CXXC1: variants seen among roughly 807,000 people sequenced by gnomAD.
CXXC1 encodes CXXC finger protein 1, also known as CXXC-type zinc finger protein 1.
Under a neutral mutation model 83.6 loss-of-function variants are expected in CXXC1, and 21 were observed. The ratio of observed to expected loss-of-function variants is 0.25; its 90% CI spans 0.18 to 0.36. The LOEUF (loss-of-function observed/expected upper bound fraction) is 0.36. Ranked by LOEUF, CXXC1 falls within the 10% of genes least tolerant of loss-of-function variation. The pLI, the probability that CXXC1 is intolerant of heterozygous loss-of-function variation, is 1.00. For synonymous variants in CXXC1, 371 were observed against 337.5 expected (o/e 1.10, Z -1.09); for missense variants, 688 against 919.5 (o/e 0.75, Z 3.26).
chr18:50,286,591 G>T lies in CXXC1; in HGVS notation c.171C>A (p.Ile57=). 6.2e-7 allele frequency: 1 copy of T among 1,614,136 alleles called. No homozygotes were observed. The highest frequency in any genetic ancestry group is 8.5e-7 in the Non-Finnish European group (1 of 1,180,022). The stretch of plus-strand genomic sequence containing the variant: ...GGATGGCCTTGGCCATCTTCTCAGT[G>T]ATCCGGATGCAGTCCCCATGGAACC... ...NEWFHGDCIR[I]TEKMAKAIRE... is the part of the protein sequence containing the mutation. Residue 57 remains isoleucine, a synonymous_variant, in exon 3 of 15, where the codon ATC becomes ATA. Transcript: ENST00000285106.
Position 50,285,464 on chromosome 18 carries a change from C to T in CXXC1, c.640-113G>A. 7.7e-7 allele frequency: 1 copy of T among 1,295,898 alleles called. No homozygotes were observed. Among genetic ancestry groups the T allele is most frequent in the Non-Finnish European group, 1.1e-6 (1 of 950,310 alleles). 80.3% of individuals were successfully genotyped at this position (1,295,898 alleles called of 1,614,324 possible). Reference sequence around the variant, plus strand: ...CTCCCCAGACACACCTCCCCGCTACCCCTCATTGCCAGGAATGCTCAGCCC... The same window carrying T: ...CTCCCCAGACACACCTCCCCGCTACTCCTCATTGCCAGGAATGCTCAGCCC... On this transcript the variant is annotated intron_variant, in intron 5 of 14. Transcript: ENST00000285106. The surrounding 1 kb of genome is among the most constrained non-coding windows in gnomAD (Gnocchi z 4.4).
rs1279287788 is a variant in CXXC1, at chr18:50,286,732, G to T, written c.122+8C>A. On this transcript the variant is annotated splice_region_variant and intron_variant, in intron 2 of 14. Transcript: ENST00000285106. The stretch of plus-strand genomic sequence containing the variant: ...AGTGTCAGCCCCGCCCATCTCTCCC[G>T]CGCTCACATCATGAAGCAGTTGATG... 1 of 1,612,124 alleles carries T rather than the reference G, an allele frequency of 6.2e-7. No individual in the cohort carries two copies. The highest frequency in any genetic ancestry group is 8.5e-7 in the Non-Finnish European group (1 of 1,178,198).
At chr18:50,287,533 G>A (rs1268603465) in intron 1 of CXXC1, 54 bp downstream of exon 1, 9 of 1,608,172 alleles carry the variant, frequency 5.6e-6, no homozygotes, top group South Asian at 1.1e-5. Flanking sequence ...AGACCCCACT[G>A]TTGCCAACCG....
chr18:50,287,427 G>T, intron 1 of CXXC1, 160 bp downstream of exon 1: 1 of 855,166 alleles, frequency 1.2e-6, no homozygotes, highest in Non-Finnish European at 1.9e-6. Context: ...GCTCACCATA[G>T]AACTCCCAGA....
In CXXC1 at chr18:50,285,233, C is replaced by A; in HGVS notation, c.681G>T (p.Thr227=). 1 of 1,614,074 alleles carries A rather than the reference C, an allele frequency of 6.2e-7. No homozygotes were observed. The highest frequency in any genetic ancestry group is 8.5e-7 in the Non-Finnish European group (1 of 1,179,982). Residue 227 remains threonine, a synonymous_variant, in exon 7 of 15, where the codon ACG becomes ACT. Coordinates refer to ENST00000285106, the MANE Select transcript of CXXC1 (RefSeq NM_014593.4). This position sits in a 1 kb window ranked among gnomAD's most constrained non-coding sequence, Gnocchi z 4.4. ...GGGGCCTTGGCAGGGACTCTGAGGG[C>A]GTCACTGGTGAGAGCTGCAGGGCAG... ...KYFPSSLSPV[T]PSESLPRPRR...
rs1269256185 is a variant in CXXC1 at position 50,283,009 on chromosome 18, G to A, written c.1672-3C>T. ...CCGCATACCTCGTCAGCTGGCACCT[G>A]CAAGGAGGCCAGGTTGGGGGGATGA... On this transcript the variant is annotated splice_polypyrimidine_tract_variant and splice_region_variant and intron_variant, in intron 13 of 14. Coordinates refer to ENST00000285106, the MANE Select transcript of CXXC1 (RefSeq NM_014593.4). 6.2e-7 allele frequency: 1 copy of A among 1,613,806 alleles called. No homozygotes were observed. The highest frequency in any genetic ancestry group is 2.2e-5 in the East Asian group (1 of 44,886).
intron 9 of CXXC1, 78 bp from the exon 10 acceptor site, chr18:50,284,179 AAGG>A (rs2040675202): frequency 6.6e-7 from 1 of 1,510,738 alleles, no homozygotes; most frequent in African/African-American, 1.4e-5. Context: ...CAAATGGCAA[AAGG>A]AGAAGTAAAT....
In CXXC1 at chr18:50,283,576, A is replaced by G. The variant is rs201458628; in HGVS notation, c.1525-12T>C. On this transcript the variant is annotated splice_polypyrimidine_tract_variant and intron_variant, in intron 11 of 14. Coordinates refer to ENST00000285106, the MANE Select transcript of CXXC1 (RefSeq NM_014593.4). ...GTCTGGCTCTCATACTGGAGGGATG[A>G]GCACAAATGGAGGGAACTGTGGATG... 3.0e-4 allele frequency: 486 copies of G among 1,613,898 alleles called. 2 individuals carry two copies. In the East Asian group the frequency reaches 8.4e-3, roughly 28 times the overall value.
At position 50,286,238 on chromosome 18, in the gene CXXC1, C is replaced by A; in HGVS notation, c.243G>T (p.Glu81Asp). Reference sequence around the variant, plus strand: ...GTGACTTCTTGTGCCGATAGCGAATCTCTAGCTTGGGGTCTTTCTCTGTGG... The same window carrying A: ...GTGACTTCTTGTGCCGATAGCGAATATCTAGCTTGGGGTCTTTCTCTGTGG... ...RECREKDPKL[E>D]IRYRHKKSRE... Residue 81 changes from glutamate (E) to aspartate (D), a missense_variant, in exon 4 of 15, where the codon GAG becomes GAT. This residue lies in a region of CXXC1 where 142 missense variants were observed against 150.7 expected (regional missense o/e 0.94). Transcript: ENST00000285106. 1 of 1,609,252 alleles carries A rather than the reference C, an allele frequency of 6.2e-7. No homozygotes were observed. The highest frequency in any genetic ancestry group is 8.5e-7 in the Non-Finnish European group (1 of 1,178,734).
In CXXC1 at chr18:50,283,795, A is replaced by G; in HGVS notation, c.1434T>C (p.Asp478=). Residue 478 remains aspartate, a synonymous_variant, in exon 11 of 15, where the codon GAT becomes GAC. Coordinates refer to ENST00000285106, the MANE Select transcript of CXXC1 (RefSeq NM_014593.4). Reference sequence around the variant, plus strand: ...CACAGAAGATCTGCAGGTCTGTGTCATCACTGTCACCCTCGTTGCTCTGCA... The same window carrying G: ...CACAGAAGATCTGCAGGTCTGTGTCGTCACTGTCACCCTCGTTGCTCTGCA... ...EDEESNEGDS[D]DTDLQIFCVS... 6.2e-7 allele frequency: 1 copy of G among 1,614,228 alleles called. No individual in the cohort carries two copies. Among genetic ancestry groups the G allele is most frequent in the East Asian group, 2.2e-5 (1 of 44,880 alleles).
Position 50,284,852 on chromosome 18 carries a change from C to T in CXXC1, c.913-13G>A, listed in dbSNP as rs768961435. 1 of 1,614,032 alleles carries T rather than the reference C, an allele frequency of 6.2e-7. No homozygotes were observed. The highest frequency in any genetic ancestry group is 1.1e-5 in the South Asian group (1 of 91,080). ...CGCTCATCCAGGGCTGCAAGCAGGG[C>T]ATGCACTGACCCACCTGCCCCGCTC... is the stretch of plus-strand genomic sequence containing the variant. On this transcript the variant is annotated splice_polypyrimidine_tract_variant and intron_variant, in intron 7 of 14. Transcript: ENST00000285106.
chr18:50,284,097 T>C lies in CXXC1; in HGVS notation c.1210A>G (p.Ile404Val), dbSNP rs1423275538. ...ATGCGCTGGGGGAGGATCTCGTAGA[T>C]GCGGCTGCAGGGAAGGTAGCAAGCA... ...DCGMKLAANRIYEILPQRIQQ... is the reference protein window; with the variant it reads ...DCGMKLAANRVYEILPQRIQQ... Residue 404 changes from isoleucine to valine, a missense_variant, in exon 10 of 15, where the codon ATC (isoleucine) becomes GTC (valine). Ile to Val is a conservative substitution (Grantham distance 29). This residue lies in a region of CXXC1 where 100 missense variants were observed against 142.5 expected (regional missense o/e 0.70). Transcript: ENST00000285106. 7 of 1,604,030 alleles carry C rather than the reference T, an allele frequency of 4.4e-6. No homozygotes were observed. The highest frequency in any genetic ancestry group is 5.9e-6 in the Non-Finnish European group (7 of 1,177,048).
intron 3 of CXXC1, 38 bp downstream of exon 3, chr18:50,286,501 A>T (rs1352799932): frequency 6.4e-7 from 1 of 1,563,728 alleles, no homozygotes; most frequent in Admixed American, 1.7e-5. Context: ...CCTCCCTTGA[A>T]GCCCCACCTG....
chr18:50,282,621 G>T lies in CXXC1; in HGVS notation c.1943C>A (p.Thr648Asn). 2 of 1,611,558 alleles carry T rather than the reference G, an allele frequency of 1.2e-6. No homozygotes were observed. Among genetic ancestry groups the T allele is most frequent in the Non-Finnish European group, 8.5e-7 (1 of 1,180,030 alleles). Residue 648 changes from threonine to asparagine, a missense_variant, in exon 15 of 15, where the codon ACC becomes AAC. By Grantham distance (65) the Thr-to-Asn change is moderately conservative (BLOSUM62 0). This residue lies in a region of CXXC1 where 34 missense variants were observed against 27.0 expected (regional missense o/e 1.26). Coordinates refer to ENST00000285106, the MANE Select transcript of CXXC1 (RefSeq NM_014593.4). This position sits in a 1 kb window ranked among gnomAD's most constrained non-coding sequence, Gnocchi z 5.8. ...HQTIQHDPLT[T>N]DLRSSADR is the part of the protein sequence containing the mutation. ...GCGGTCGGCACTGGAGCGCAGGTCG[G>T]TAGTGAGGGGATCGTGCTGGATCGT...
In CXXC1 at chr18:50,286,652, G is replaced by A. The variant is rs777002096; in HGVS notation, c.123-13C>T. ...GTTGTCACACCCGCTGCAGAGGATG[G>A]GGCAGGCGATGGAGATGTGAGGGGC... is the stretch of plus-strand genomic sequence containing the variant. On this transcript the variant is annotated splice_polypyrimidine_tract_variant and intron_variant, in intron 2 of 14. Transcript: ENST00000285106. 2 of 1,613,680 alleles carry A rather than the reference G, an allele frequency of 1.2e-6. No homozygotes were observed. Among genetic ancestry groups the A allele is most frequent in the Non-Finnish European group, 1.7e-6 (2 of 1,179,582 alleles).
chr18:50,287,446 C>A (rs1463848166), intron 1 of CXXC1, 141 bp downstream of exon 1: 1 of 1,014,134 alleles, frequency 9.9e-7, no homozygotes, highest in Non-Finnish European at 1.5e-6. Flanking sequence ...GATGGTTCAT[C>A]ATTCTGCCCA....
Position 50,286,868 on chromosome 18 carries a change from A to AC in CXXC1, c.4-11dup. ...CTGAACCATCTCCCTCCTGCAGGAC[A>AC]CCCCCATTACGGATCCTTAAGCAGC... On this transcript the variant is annotated splice_polypyrimidine_tract_variant and intron_variant, in intron 1 of 14. Transcript: ENST00000285106. 1 of 1,580,050 alleles carries AC rather than the reference A, an allele frequency of 6.3e-7. No individual in the cohort carries two copies. Among genetic ancestry groups the AC allele is most frequent in the Non-Finnish European group, 8.7e-7 (1 of 1,150,834 alleles).
chr18:50,286,138 C>G lies in CXXC1; in HGVS notation c.343G>C (p.Asp115His), dbSNP rs1466470990. 3 of 1,613,906 alleles carry G rather than the reference C, an allele frequency of 1.9e-6. No individual in the cohort carries two copies. The Admixed American group carries it at 5.0e-5, about 27-fold the overall frequency. ...CCTGCCCGGCGCTGCAGGTCTGGAT[C>G]AGGGACAGGCCTCTTGCGCCCTCCA... ...EGGGRKRPVP[D>H]PDLQRRAGSG... Residue 115 changes from aspartate to histidine, a missense_variant, in exon 4 of 15, where the codon GAT (aspartate) becomes CAT (histidine). By Grantham distance (81) the Asp-to-His change is moderately conservative. Transcript: ENST00000285106.
At chr18:50,286,475 C>A in intron 3 of CXXC1, 64 bp downstream of exon 3, 1 of 1,367,578 alleles carries the variant, frequency 7.3e-7, no homozygotes, top group Non-Finnish European at 1.0e-6. Flanking sequence ...CATAACCCCC[C>A]CTTGTGGCTC....
Sources: gnomAD v4.1 joint callset for allele counts on GRCh38, gnomAD v4.1.1 for gene constraint, gnomAD v4.1.1 regional missense constraint, Gnocchi (gnomAD v3.1) non-coding constraint, MANE v1.5 for transcripts, NCBI Gene and HGNC (gene_info 2026-07-23, HGNC 2026-07-21) for gene names.